Variants in DOCK9 observed in about 807,000 individuals in gnomAD.
The protein encoded by DOCK9 is dedicator of cytokinesis protein 9.
DOCK9 carries 89 observed loss-of-function variants against 263.3 expected under a neutral mutation model. That is an observed-to-expected ratio of 0.34 (90% CI 0.28 to 0.40). The LOEUF (loss-of-function observed/expected upper bound fraction) is 0.40. DOCK9 is among the 10% of genes least tolerant of loss of function. The probability of loss-of-function intolerance (pLI) is 1.00; values close to 1 mark genes in which losing one functional copy is unlikely to be tolerated. For synonymous variants in DOCK9, 976 were observed against 973.1 expected, an observed-to-expected ratio of 1.00 and a Z score of -0.06; for missense variants, 2,140 against 2,603.4, an observed-to-expected ratio of 0.82 and a Z score of 3.87.
At chr13:99,002,444 C>T (rs1882533289) in intron 1 of DOCK9, among the ~76,000 whole-genome samples, 2 of 152,168 alleles carry the variant, frequency 1.3e-5, no homozygotes, top group African/African-American at 4.8e-5. Flanking sequence ...GGGCAACGTC[C>T]TCCCCACCCA....
At chr13:99,073,174 C>T (rs543535512) in intron 1 of DOCK9, among the ~76,000 whole-genome samples, 3 of 152,244 alleles carry the variant, frequency 2.0e-5, no homozygotes, top group East Asian at 3.9e-4. Context: ...TATTCTGACC[C>T]GCATACCCTA....
intron 44 of DOCK9, chr13:98,826,039 G>C: frequency 9.9e-7 from 1 of 1,009,688 alleles, no homozygotes. Context: ...TTCTCTTTGG[G>C]GCTCTGCTGT....
intron 15 of DOCK9, among the ~76,000 whole-genome samples, chr13:98,896,769 C>T (rs549500938): frequency 4.0e-4 from 61 of 152,332 alleles, no homozygotes; most frequent in African/African-American, 1.4e-3. Flanking sequence ...ATGTTGCACA[C>T]ATTCCTTGCT....
Position 99,079,180 on chromosome 13 carries a change from C to T in DOCK9, c.129+7043G>A, listed in dbSNP as rs188838489. Among the ~76,000 whole-genome samples the T allele has an allele frequency of 3.3e-5, 5 of 152,324 alleles. No individual in the cohort carries two copies. The East Asian group carries it at 9.6e-4, about 29-fold the overall frequency. On this transcript the variant is annotated intron_variant, in intron 1 of 32. Coordinates refer to the DOCK9 transcript ENST00000427887. ...CCTCCAAGCAAAAAGTTTAACTTAACACTATGACCAAGAGATCTCTATAGA... is the reference window on the plus strand; with the variant it reads ...CCTCCAAGCAAAAAGTTTAACTTAATACTATGACCAAGAGATCTCTATAGA...
At chr13:98,810,347 G>A in intron 45 of DOCK9, 56 bp from the exon 46 acceptor site, 1 of 1,597,644 alleles carries the variant, frequency 6.3e-7, no homozygotes, top group Non-Finnish European at 8.5e-7. Context: ...AACGTGACAT[G>A]GCACCCGTTG....
At chr13:98,854,287 C>A (rs1229462064) in intron 34 of DOCK9, among the ~76,000 whole-genome samples, 1 of 151,790 alleles carries the variant, frequency 6.6e-6, no homozygotes, top group Non-Finnish European at 1.5e-5. Flanking sequence ...AAAACTCTCC[C>A]AGTTGAATTT....
At chr13:98,892,375 G>A (rs1253367444) in intron 15 of DOCK9, among the ~76,000 whole-genome samples, 1 of 152,008 alleles carries the variant, frequency 6.6e-6, no homozygotes, top group East Asian at 1.9e-4. Flanking sequence ...CTGACTTCCT[G>A]TATTGGCTCG....
intron 1 of DOCK9, among the ~76,000 whole-genome samples, chr13:99,026,089 A>AG (rs1352544312): frequency 1.9e-5 from 1 of 53,270 alleles, no homozygotes; most frequent in Admixed American, 1.7e-4. Flanking sequence ...AAAAAAAAAA[A>AG]AAAAAAAAAA....
chr13:98,880,162 A>G (rs1247324158), intron 26 of DOCK9, among the ~76,000 whole-genome samples, 193 bp from the exon 27 acceptor site: 2 of 152,010 alleles, frequency 1.3e-5, no homozygotes, highest in African/African-American at 4.8e-5. Context: ...TTAGCAACAA[A>G]GAGCTGCATC....
intron 1 of DOCK9, among the ~76,000 whole-genome samples, chr13:98,968,155 G>A (rs1052668506): frequency 3.3e-5 from 5 of 152,056 alleles, no homozygotes; most frequent in African/African-American, 1.2e-4. Flanking sequence ...TGTGCTGTAG[G>A]CATAAAACAG....
At chr13:98,813,822 G>A (rs1438469392) in intron 45 of DOCK9, among the ~76,000 whole-genome samples, 2 of 151,932 alleles carry the variant, frequency 1.3e-5, no homozygotes, top group Admixed American at 1.3e-4. Context: ...TGTATTTTTA[G>A]TAGAGACAGG....
chr13:99,005,080 A>G (rs1204191496), intron 1 of DOCK9, among the ~76,000 whole-genome samples: 2 of 152,200 alleles, frequency 1.3e-5, no homozygotes, highest in South Asian at 2.1e-4. Context: ...CCAAAAAAAA[A>G]AAAAGAGTAG....
intron 2 of DOCK9, among the ~76,000 whole-genome samples, chr13:98,934,545 A>C (rs2054504963): frequency 6.6e-6 from 1 of 152,220 alleles, no homozygotes; most frequent in African/African-American, 2.4e-5. Context: ...GTTACTCAAA[A>C]ACAGAAAACC....
intron 1 of DOCK9, among the ~76,000 whole-genome samples, chr13:99,073,456 G>A (rs970989607): frequency 3.4e-5 from 5 of 148,490 alleles, no homozygotes; most frequent in Admixed American, 2.7e-4. Flanking sequence ...CTTTTCTTTC[G>A]GCCTCGGGTC....
chr13:98,809,814 T>C (rs1350684072), intron 46 of DOCK9, among the ~76,000 whole-genome samples: 2 of 152,194 alleles, frequency 1.3e-5, no homozygotes, highest in East Asian at 3.8e-4. Context: ...AAGCCCAGGA[T>C]GGACGGAAGG....
intron 2 of DOCK9, among the ~76,000 whole-genome samples, chr13:98,932,665 G>C (rs1297423795): frequency 1.3e-5 from 2 of 152,082 alleles, no homozygotes; most frequent in East Asian, 3.9e-4. Flanking sequence ...TTTATTTCCT[G>C]CCTGTATTTT....
At chr13:98,983,926 ATTTT>A (rs1174668134) in intron 1 of DOCK9, among the ~76,000 whole-genome samples, 2 of 152,022 alleles carry the variant, frequency 1.3e-5, no homozygotes, top group African/African-American at 4.8e-5. Flanking sequence ...CTCCTCAATT[ATTTT>A]TTATCATTAC....
At chr13:98,848,182 A>G (rs2093447136) in intron 37 of DOCK9, among the ~76,000 whole-genome samples, 1 of 152,218 alleles carries the variant, frequency 6.6e-6, no homozygotes, top group Admixed American at 6.5e-5. Flanking sequence ...AGATTTTAGT[A>G]TCTTTGTAGT....
At chr13:98,851,279 T>C (rs2026026) in intron 35 of DOCK9, among the ~76,000 whole-genome samples, 22,339 of 152,234 alleles carry the variant, frequency 0.15, 1,769 homozygotes, top group South Asian at 0.22. Flanking sequence ...CGCGTGCATC[T>C]GATTCTAAAG....
Sources: gnomAD v4.1 joint callset for allele counts (sites outside exome capture counted in the v4.1 genomes callset) on GRCh38, gnomAD v4.1.1 for gene constraint, MANE v1.5 for transcripts, NCBI Gene and HGNC (gene_info 2026-07-23, HGNC 2026-07-21) for gene names.